The following EXOC6B variants were observed in gnomAD, a reference collection of about 807,000 sequenced individuals.
EXOC6B encodes exocyst complex component 6B.
In EXOC6B, 54 loss-of-function variants were observed where a neutral mutation model predicts 113.5. The ratio of observed to expected loss-of-function variants is 0.48; its 90% CI spans 0.38 to 0.60. The LOEUF is 0.60. Among genes scored for constraint, EXOC6B ranks in the 20% least tolerant of loss-of-function variants. The pLI, the probability that EXOC6B is intolerant of heterozygous loss-of-function variation, is 0.00. For missense variants in EXOC6B, 797 were observed against 977.5 expected, an observed-to-expected ratio of 0.82 and a Z score of 2.46; for synonymous variants, 357 against 339.0, an observed-to-expected ratio of 1.05 and a Z score of -0.58.
chr2:72,196,733 T>C (rs1206720439), intron 20 of EXOC6B, among the ~76,000 whole-genome samples: 1 of 152,240 alleles, frequency 6.6e-6, no homozygotes, highest in Non-Finnish European at 1.5e-5. Context: ...TTCAGACCTA[T>C]AGTGGTGGTA....
At chr2:72,732,164 T>C (rs1015097770) in intron 3 of EXOC6B, among the ~76,000 whole-genome samples, 2 of 152,134 alleles carry the variant, frequency 1.3e-5, no homozygotes, top group African/African-American at 4.8e-5. Context: ...GGTGGGGGGA[T>C]AGAGATGGGG....
At chr2:72,793,372 GTAACTTT>G (rs1684783787) in intron 1 of EXOC6B, among the ~76,000 whole-genome samples, 1 of 152,142 alleles carries the variant, frequency 6.6e-6, no homozygotes, top group South Asian at 2.1e-4. Context: ...TTAATATAGA[GTAACTTT>G]ACAAAATAAA....
rs147843073 is a variant in EXOC6B at position 72,709,314 on chromosome 2, C to T, written c.669+8789G>A. Reference sequence around the variant, plus strand: ...CATCTGCCAGAGGACAAGACTAAAGCACTTGCTGAGAGCACAACAATCCTA... The same window carrying T: ...CATCTGCCAGAGGACAAGACTAAAGTACTTGCTGAGAGCACAACAATCCTA... On this transcript the variant is annotated intron_variant, in intron 6 of 21. Coordinates refer to ENST00000272427, the MANE Select transcript of EXOC6B (RefSeq NM_015189.3). Among the ~76,000 whole-genome samples, 211 of 152,234 alleles carry T rather than the reference C, an allele frequency of 1.4e-3. 2 individuals are homozygous for T. The highest frequency in any genetic ancestry group is 4.9e-3 in the African/African-American group (202 of 41,544).
chr2:72,212,015 T>C (rs1680227001), intron 20 of EXOC6B, among the ~76,000 whole-genome samples: 1 of 151,756 alleles, frequency 6.6e-6, no homozygotes, highest in African/African-American at 2.4e-5. Context: ...CCCTTAAGTG[T>C]GCCGAAGTGG....
chr2:72,523,936 T>C (rs1016195600), intron 8 of EXOC6B, among the ~76,000 whole-genome samples: 4 of 151,786 alleles, frequency 2.6e-5, no homozygotes, highest in African/African-American at 7.3e-5. Context: ...AAATTAACTC[T>C]TGGATTGAGA....
chr2:72,564,522 G>A (rs1704056517), intron 7 of EXOC6B, among the ~76,000 whole-genome samples: 1 of 152,166 alleles, frequency 6.6e-6, no homozygotes, highest in Non-Finnish European at 1.5e-5. Context: ...GCAAAGAGAA[G>A]ACAACAAATG....
chr2:72,603,219 C>T (rs751099065), intron 6 of EXOC6B, among the ~76,000 whole-genome samples: 2 of 151,564 alleles, frequency 1.3e-5, no homozygotes, highest in Non-Finnish European at 2.9e-5. Flanking sequence ...TCATGGAAAT[C>T]ATTAAAACGA....
chr2:72,379,913 A>G, intron 18 of EXOC6B, 43 bp from the exon 19 acceptor site: 1 of 1,483,428 alleles, frequency 6.7e-7, no homozygotes, highest in Non-Finnish European at 9.0e-7. Flanking sequence ...TGCATCTAAC[A>G]TAAATTAAAA....
chr2:72,782,997 T>C (rs1264577327), intron 1 of EXOC6B, among the ~76,000 whole-genome samples: 1 of 152,218 alleles, frequency 6.6e-6, no homozygotes, highest in East Asian at 1.9e-4. Flanking sequence ...AGTGCAGTTA[T>C]CCCTCTGATA....
At position 72,499,903 on chromosome 2, in the gene EXOC6B, G is replaced by A; in HGVS notation, c.1237C>T (p.Gln413Ter). The A allele has an allele frequency of 6.5e-7, 1 of 1,549,240 alleles. No individual in the cohort carries two copies. The highest frequency in any genetic ancestry group is 8.7e-7 in the Non-Finnish European group (1 of 1,143,888). The change falls in exon 12 of 22, where the codon CAG becomes TAG. Residue 413 changes from glutamine to a stop codon, truncating the protein, a stop_gained and splice_region_variant. Transcript: ENST00000272427. LOFTEE classifies it high-confidence loss of function. ...ATATGTAAACAGAAATCACATACCT[G>A]AAGTGTGTCAGCAAAAAGCACAATG... ...NLIVLFADTL[Q>*]VYGFPVNQLF...
chr2:72,540,842 G>A (rs1702558199), intron 8 of EXOC6B, among the ~76,000 whole-genome samples: 1 of 152,168 alleles, frequency 6.6e-6, no homozygotes, highest in African/African-American at 2.4e-5. Flanking sequence ...GAGACACAAT[G>A]GCCTAAAATA....
At chr2:72,588,088 T>A (rs1428389269) in intron 6 of EXOC6B, among the ~76,000 whole-genome samples, 1 of 152,136 alleles carries the variant, frequency 6.6e-6, no homozygotes, top group Non-Finnish European at 1.5e-5. Context: ...GGTGGAAATG[T>A]ATAATATTTT....
intron 20 of EXOC6B, among the ~76,000 whole-genome samples, chr2:72,299,403 T>C (rs181731908): frequency 1.9e-4 from 29 of 152,152 alleles, no homozygotes; most frequent in Admixed American, 1.4e-3. Flanking sequence ...AGGTAGCATC[T>C]ATTCTAGATG....
chr2:72,614,243 G>A (rs1175617105), intron 6 of EXOC6B, among the ~76,000 whole-genome samples: 1 of 152,078 alleles, frequency 6.6e-6, no homozygotes, highest in African/African-American at 2.4e-5. Context: ...ACAACAAAAG[G>A]ACTAGACATT....
intron 3 of EXOC6B, among the ~76,000 whole-genome samples, chr2:72,732,833 A>G (rs992118697): frequency 6.6e-6 from 1 of 152,176 alleles, no homozygotes. Context: ...GAAGAGCATT[A>G]CTGTATTATG....
intron 20 of EXOC6B, among the ~76,000 whole-genome samples, chr2:72,333,086 T>G (rs1267691252): frequency 6.6e-6 from 1 of 152,148 alleles, no homozygotes; most frequent in African/African-American, 2.4e-5. Context: ...ACAGATTGAA[T>G]AGAAAGAGGC....
Position 72,650,762 on chromosome 2 carries a change from T to C in EXOC6B, c.669+67341A>G, listed in dbSNP as rs563045207. Reference sequence around the variant, plus strand: ...CTACAATTCCTATCAGAATGGCTGTTACAAAAAAAAATGGCAAAATCAAAT... The same window carrying C: ...CTACAATTCCTATCAGAATGGCTGTCACAAAAAAAAATGGCAAAATCAAAT... On this transcript the variant is annotated intron_variant, in intron 6 of 21. Transcript: ENST00000272427. Among the ~76,000 whole-genome samples the C allele has an allele frequency of 6.9e-4, 104 of 151,194 alleles. 1 individual carries two copies. In the South Asian group the frequency reaches 0.021, roughly 31 times the overall value.
Position 72,539,751 on chromosome 2 carries a change from C to T in EXOC6B, c.915+19702G>A, listed in dbSNP as rs142709649. Among the ~76,000 whole-genome samples, 369 of 121,464 alleles carry T rather than the reference C, an allele frequency of 3.0e-3. 3 individuals are homozygous for T. The highest frequency in any genetic ancestry group is 3.3e-3 in the African/African-American group (118 of 35,466). 79.7% of individuals were successfully genotyped at this position (121,464 alleles called of 152,430 possible). A position where few individuals can be genotyped will look rare whatever the true frequency, so the allele number is the denominator to read the frequency against. On this transcript the variant is annotated intron_variant, in intron 8 of 21. Coordinates refer to ENST00000272427, the MANE Select transcript of EXOC6B (RefSeq NM_015189.3). ...GGCTATGCGTGTGTGTGTGTGTGTG[C>T]GCGCGCGCGCGCGTGTGTGTAGTCT...
intron 6 of EXOC6B, among the ~76,000 whole-genome samples, chr2:72,700,250 A>ACACACACG (rs1678218156): frequency 6.6e-6 from 1 of 150,966 alleles, no homozygotes; most frequent in Non-Finnish European, 1.5e-5. Context: ...ACACACACAC[A>ACACACACG]CACACACACA....
Sources: gnomAD v4.1 joint callset for allele counts (sites outside exome capture counted in the v4.1 genomes callset) on GRCh38, gnomAD v4.1.1 for gene constraint, MANE v1.5 for transcripts, NCBI Gene and HGNC (gene_info 2026-07-23, HGNC 2026-07-21) for gene names.